Variants in RASGRF1 observed in about 807,000 individuals in gnomAD.
The protein encoded by RASGRF1 is Ras protein specific guanine nucleotide releasing factor 1, also known as ras-specific guanine nucleotide-releasing factor 1.
A neutral mutation model predicts 138.7 loss-of-function variants in RASGRF1; 40 were observed. The observed-to-expected ratio is 0.29, with a 90% CI of 0.22 to 0.38. RASGRF1 has a LOEUF of 0.38. Ranked by LOEUF, RASGRF1 falls within the 10% of genes least tolerant of loss-of-function variation. The pLI is 1.00. For missense variants in RASGRF1, 1,108 were observed against 1,650.4 expected, an observed-to-expected ratio of 0.67 and a Z score of 5.69; for synonymous variants, 614 against 663.2, an observed-to-expected ratio of 0.93 and a Z score of 1.14.
In RASGRF1 at chr15:79,086,585, C is replaced by A. The variant is rs977327285; in HGVS notation, c.276+3638G>T. ...ACAACAGGTTCTAAGACCCCCCCCC[C>A]CCAGCTTCTGGGACCTCCAACAACA... On this transcript the variant is annotated intron_variant, in intron 1 of 26. Coordinates refer to ENST00000558480, the MANE Select transcript of RASGRF1 (RefSeq NM_001145648.3). 7.2e-5 allele frequency among the ~76,000 whole-genome samples: 11 copies of A among 151,730 alleles called. No homozygotes were observed. In the East Asian group the frequency reaches 9.7e-4, roughly 13 times the overall value.
Position 78,961,960 on chromosome 15 carries a change from T to C in RASGRF1, c.*184A>G. ...TGCAGGAGACGAGGGGAGGGATGGG[T>C]GGGCGAAGTCTGAAACGGTGCAGAA... is the stretch of plus-strand genomic sequence containing the variant. On this transcript the variant is annotated 3_prime_UTR_variant, in exon 27 of 27. Transcript: ENST00000558480. 1.9e-6 allele frequency: 1 copy of C among 532,186 alleles called. No individual in the cohort carries two copies. Among genetic ancestry groups the C allele is most frequent in the South Asian group, 2.2e-5 (1 of 45,788 alleles). 33.0% of individuals were successfully genotyped at this position (532,186 alleles called of 1,614,324 possible). A position where few individuals can be genotyped will look rare whatever the true frequency, so the allele number is the denominator to read the frequency against.
At position 78,999,856 on chromosome 15, in the gene RASGRF1, T is replaced by G; in HGVS notation, c.2633A>C (p.Asp878Ala). ...GGCCGACAAGGCACTGCGGTTATTG[T>G]CCAGTTCACGACAGGAGGTCATGAC... ...GVVMTSCREL[D>A]NNRSALSAAS... Residue 878 changes from aspartate (D) to alanine (A), a missense_variant, in exon 17 of 27, where the codon GAC becomes GCC. By Grantham distance (126) the Asp-to-Ala change is moderately radical (BLOSUM62 -2). Transcript: ENST00000558480. 1 of 1,614,164 alleles carries G rather than the reference T, an allele frequency of 6.2e-7. No homozygotes were observed. Among genetic ancestry groups the G allele is most frequent in the Non-Finnish European group, 8.5e-7 (1 of 1,180,004 alleles).
At chr15:79,089,996 A>T (rs888893558) in intron 1 of RASGRF1, among the ~76,000 whole-genome samples, 1 of 152,150 alleles carries the variant, frequency 6.6e-6, no homozygotes, top group Non-Finnish European at 1.5e-5. Context: ...GGCGAAGGGC[A>T]GCCGCAGCCC....
chr15:79,077,417 G>T (rs2057848624), intron 1 of RASGRF1, among the ~76,000 whole-genome samples: 1 of 152,164 alleles, frequency 6.6e-6, no homozygotes. Context: ...ATAGTGTTTT[G>T]TAAACCACTG....
intron 1 of RASGRF1, among the ~76,000 whole-genome samples, chr15:79,071,987 T>C (rs1035181701): frequency 1.3e-5 from 2 of 152,158 alleles, no homozygotes; most frequent in Admixed American, 1.3e-4. Context: ...CTATGATCTT[T>C]TCTGGCTGGT....
intron 1 of RASGRF1, among the ~76,000 whole-genome samples, chr15:79,079,050 C>G (rs190936705): frequency 6.6e-6 from 1 of 152,244 alleles, no homozygotes; most frequent in African/African-American, 2.4e-5. Context: ...CAGCCTCGAA[C>G]GAGGCTGTGC....
At chr15:78,976,045 G>A (rs762927517) in intron 24 of RASGRF1, among the ~76,000 whole-genome samples, 1 of 152,176 alleles carries the variant, frequency 6.6e-6, no homozygotes, top group Non-Finnish European at 1.5e-5. Context: ...GAGGCCTGGT[G>A]ACTGCAAGCT....
rs1432083738 is a variant in RASGRF1 at position 79,027,069 on chromosome 15, G to A, written c.1381+672C>T. Among the ~76,000 whole-genome samples, 1 of 152,166 alleles carries A rather than the reference G, an allele frequency of 6.6e-6. No individual in the cohort carries two copies. The highest frequency in any genetic ancestry group is 1.5e-5 in the Non-Finnish European group (1 of 68,020). On this transcript the variant is annotated intron_variant, in intron 9 of 26. Coordinates refer to ENST00000558480, the MANE Select transcript of RASGRF1 (RefSeq NM_001145648.3). This position sits in a 1 kb window ranked among gnomAD's most constrained non-coding sequence, Gnocchi z 4.8. ...CTCTGGAGGTCCGTTTGAGGTGGAG[G>A]TCACCTGTGAGGCATGCCAGCAGGA...
intron 13 of RASGRF1, among the ~76,000 whole-genome samples, chr15:79,009,780 A>C (rs1305841868): frequency 6.6e-6 from 1 of 151,202 alleles, no homozygotes; most frequent in Non-Finnish European, 1.5e-5. Context: ...GCTGGAGTGC[A>C]GTGGTGCGAT....
At chr15:79,037,379 G>A (rs1373295603) in intron 5 of RASGRF1, among the ~76,000 whole-genome samples, 1 of 151,982 alleles carries the variant, frequency 6.6e-6, no homozygotes, top group Admixed American at 6.6e-5. Flanking sequence ...GGTGGGGTGG[G>A]GGAGGTGCGG....
intron 1 of RASGRF1, among the ~76,000 whole-genome samples, chr15:79,087,773 C>T (rs538538929): frequency 5.3e-5 from 8 of 152,286 alleles, no homozygotes; most frequent in Non-Finnish European, 8.8e-5. Context: ...CATGTGTAGC[C>T]GGAAGGAGCA....
At chr15:78,966,684 C>G (rs2055650946) in intron 26 of RASGRF1, among the ~76,000 whole-genome samples, 1 of 151,370 alleles carries the variant, frequency 6.6e-6, no homozygotes, top group Non-Finnish European at 1.5e-5. Context: ...TAATGAAAAC[C>G]AGCAATCCTT....
chr15:78,962,630 C>T (rs1180626493), intron 26 of RASGRF1, among the ~76,000 whole-genome samples: 1 of 152,224 alleles, frequency 6.6e-6, no homozygotes, highest in Non-Finnish European at 1.5e-5. Flanking sequence ...TGCCTCTAAT[C>T]CCAGCACTTT....
At chr15:79,039,134 T>C (rs2057261151) in intron 5 of RASGRF1, among the ~76,000 whole-genome samples, 1 of 137,216 alleles carries the variant, frequency 7.3e-6, no homozygotes, top group South Asian at 2.2e-4. Flanking sequence ...ACCCCGTCTC[T>C]ACAAAAAATA....
At chr15:79,071,900 A>G (rs1291738573) in intron 1 of RASGRF1, among the ~76,000 whole-genome samples, 1 of 152,178 alleles carries the variant, frequency 6.6e-6, no homozygotes, top group Non-Finnish European at 1.5e-5. Context: ...TACCAGGGCC[A>G]GGGGCTCCCA....
rs758415767 is a variant in RASGRF1, at chr15:79,072,267, C to CTTTTTTT, written c.277-7748_277-7742dup. ...TTTCTGGGAGTTCTTGATAAACAATCTTTTTTTTTTTTTTTTTTTTTTTTT... is the reference window on the plus strand; with the variant it reads ...TTTCTGGGAGTTCTTGATAAACAATCTTTTTTTTTTTTTTTTTTTTTTTTTTTTTTTT... On this transcript the variant is annotated intron_variant, in intron 1 of 26. Transcript: ENST00000558480. Among the ~76,000 whole-genome samples, 565 of 61,586 alleles carry CTTTTTTT rather than the reference C, an allele frequency of 9.2e-3. 148 individuals carry two copies. Among genetic ancestry groups the CTTTTTTT allele is most frequent in the Non-Finnish European group, 0.015 (493 of 32,844 alleles). The allele number at this position is 61,586 out of a possible 152,430, so 40.4% of individuals were successfully genotyped here.
chr15:79,062,023 C>T (rs1249964418), intron 2 of RASGRF1, among the ~76,000 whole-genome samples: 1 of 152,200 alleles, frequency 6.6e-6, no homozygotes, highest in Non-Finnish European at 1.5e-5. Flanking sequence ...TTCCTGCCAG[C>T]ACTAGATGAG....
intron 3 of RASGRF1, among the ~76,000 whole-genome samples, chr15:79,057,939 C>T (rs982364090): frequency 6.6e-6 from 1 of 152,200 alleles, no homozygotes; most frequent in Non-Finnish European, 1.5e-5. Context: ...CCTGCGCTCT[C>T]CAGAGTCTTG....
In RASGRF1 at chr15:79,027,336, A is replaced by G. The variant is rs548360020; in HGVS notation, c.1381+405T>C. 3.9e-5 allele frequency among the ~76,000 whole-genome samples: 6 copies of G among 152,236 alleles called. No individual in the cohort carries two copies. Among genetic ancestry groups the G allele is most frequent in the Admixed American group, 6.5e-5 (1 of 15,286 alleles). Reference sequence around the variant, plus strand: ...AGGATGATGAGGAAAGGACAGGGGAATGGACCCAACACTGACCTCCTCCCA... The same window carrying G: ...AGGATGATGAGGAAAGGACAGGGGAGTGGACCCAACACTGACCTCCTCCCA... On this transcript the variant is annotated intron_variant, in intron 9 of 26. Coordinates refer to ENST00000558480, the MANE Select transcript of RASGRF1 (RefSeq NM_001145648.3). The surrounding 1 kb of genome is among the most constrained non-coding windows in gnomAD (Gnocchi z 4.8).
Sources: gnomAD v4.1 joint callset for allele counts (sites outside exome capture counted in the v4.1 genomes callset) on GRCh38, gnomAD v4.1.1 for gene constraint, Gnocchi (gnomAD v3.1) non-coding constraint, MANE v1.5 for transcripts, NCBI Gene and HGNC (gene_info 2026-07-23, HGNC 2026-07-21) for gene names.